FARP2: variants seen among roughly 807,000 people sequenced by gnomAD.
FARP2 encodes FERM, ARH/RhoGEF and pleckstrin domain protein 2.
FARP2 carries 111 observed loss-of-function variants against 130.5 expected under a neutral mutation model. The observed-to-expected ratio is 0.85, with a 90% CI of 0.73 to 1.00. The LOEUF is 1.00. FARP2 is among the 50% of genes least tolerant of loss of function. The pLI, the probability that FARP2 is intolerant of heterozygous loss-of-function variation, is 0.00. For missense variants in FARP2, 1,385 were observed against 1,346.3 expected, an observed-to-expected ratio of 1.03 and a Z score of -0.45; for synonymous variants, 504 against 516.9, an observed-to-expected ratio of 0.98 and a Z score of 0.34.
chr2:241,425,218 C>CA (rs898579937), intron 8 of FARP2, among the ~76,000 whole-genome samples: 29 of 151,210 alleles, frequency 1.9e-4, no homozygotes, highest in African/African-American at 5.6e-4. Context: ...AAAACAAAAA[C>CA]AAAAAAAACC....
At chr2:241,483,102 GT>G (rs1011702565) in intron 19 of FARP2, among the ~76,000 whole-genome samples, 3 of 152,080 alleles carry the variant, frequency 2.0e-5, no homozygotes, top group African/African-American at 7.2e-5. Flanking sequence ...CCTGTCCAAT[GT>G]TTTCAAAGCT....
rs939425972 is a variant in FARP2, at chr2:241,494,362, C to T, written c.*237C>T. The T allele has an allele frequency of 4.5e-5, 15 of 330,880 alleles. No individual in the cohort carries two copies. Among genetic ancestry groups the T allele is most frequent in the South Asian group, 2.8e-4 (2 of 7,178 alleles). 20.5% of individuals were successfully genotyped at this position (330,880 alleles called of 1,614,324 possible). On this transcript the variant is annotated 3_prime_UTR_variant, in exon 27 of 27. Coordinates refer to ENST00000264042, the MANE Select transcript of FARP2 (RefSeq NM_014808.4). The surrounding 1 kb of genome is among the most constrained non-coding windows in gnomAD (Gnocchi z 4.9). Reference sequence around the variant, plus strand: ...CTGGGAAAAATGTGCGAGTCTTGAGCGCGGAGCCGCTCAAGCCACAGCTCC... The same window carrying T: ...CTGGGAAAAATGTGCGAGTCTTGAGTGCGGAGCCGCTCAAGCCACAGCTCC...
intron 12 of FARP2, among the ~76,000 whole-genome samples, chr2:241,438,389 C>A (rs1375932521): frequency 1.3e-5 from 2 of 151,960 alleles, no homozygotes; most frequent in African/African-American, 4.8e-5. Context: ...ACCTATCTAT[C>A]TGAAGATTTT....
At chr2:241,455,417 G>A (rs2063803818) in intron 13 of FARP2, among the ~76,000 whole-genome samples, 1 of 152,186 alleles carries the variant, frequency 6.6e-6, no homozygotes, top group Non-Finnish European at 1.5e-5. Context: ...TCTCACTCTT[G>A]TTGCCCAGGC....
rs539369640 is a variant in FARP2, at chr2:241,476,659, A to G, written c.2262+672A>G. ...AACCAAGATCACGCCATTGCACTCT[A>G]GCCTGGGTAACATGAGCGAAACTCC... is the stretch of plus-strand genomic sequence containing the variant. On this transcript the variant is annotated intron_variant, in intron 19 of 26. Coordinates refer to ENST00000264042, the MANE Select transcript of FARP2 (RefSeq NM_014808.4). Among the ~76,000 whole-genome samples, 86 of 152,330 alleles carry G rather than the reference A, an allele frequency of 5.6e-4. 1 individual carries two copies. Among genetic ancestry groups the G allele is most frequent in the Middle Eastern group, 3.4e-3 (1 of 294 alleles).
intron 23 of FARP2, 142 bp downstream of exon 23, chr2:241,491,321 A>G: frequency 1.2e-6 from 1 of 856,488 alleles, no homozygotes; most frequent in South Asian, 1.6e-5. Flanking sequence ...GCTACGCCTC[A>G]TGCCTGGGCG....
At position 241,373,224 on chromosome 2, in the gene FARP2, G is replaced by A. The variant is rs781200124; in HGVS notation, c.117G>A (p.Met39Ile). The A allele has an allele frequency of 2.6e-6, 4 of 1,566,868 alleles. No individual in the cohort carries two copies. The highest frequency in any genetic ancestry group is 1.2e-5 in the South Asian group (1 of 85,950). ...CTGGGCAGACTCTCTTGCCCAGAAT[G>A]CAAGAGAAGCACCTGCACCTCAGAG... The part of the protein sequence containing the change: ...LEPGQTLLPR[M>I]QEKHLHLRVK... The change falls in exon 2 of 27, where the codon ATG (methionine) becomes ATA (isoleucine). Residue 39 changes from methionine (M) to isoleucine (I), a missense_variant. By Grantham distance (10) the Met-to-Ile change is conservative. Transcript: ENST00000264042.
rs79722332 is a variant in FARP2, at chr2:241,359,078, T to C, written c.-25+2690T>C. 4.6e-5 allele frequency among the ~76,000 whole-genome samples: 7 copies of C among 152,280 alleles called. No homozygotes were observed. In the East Asian group the frequency reaches 1.3e-3, roughly 29 times the overall value. On this transcript the variant is annotated intron_variant, in intron 1 of 26. Coordinates refer to ENST00000264042, the MANE Select transcript of FARP2 (RefSeq NM_014808.4). ...GGAAAATTTGAACCATTTTGATCCATGGAAATATGCTTTAAAATGTGACTT... is the reference window on the plus strand; with the variant it reads ...GGAAAATTTGAACCATTTTGATCCACGGAAATATGCTTTAAAATGTGACTT...
chr2:241,372,987 A>G, intron 1 of FARP2, 97 bp from the exon 2 acceptor site: 1 of 543,132 alleles, frequency 1.8e-6, no homozygotes, highest in Non-Finnish European at 2.9e-6. Flanking sequence ...AATAGTACAG[A>G]GGATTCCCGT....
chr2:241,474,683 T>A (rs1329351061), intron 18 of FARP2, among the ~76,000 whole-genome samples: 1 of 151,456 alleles, frequency 6.6e-6, no homozygotes, highest in Non-Finnish European at 1.5e-5. Flanking sequence ...TCCCCGCTAC[T>A]CGGGAGGCTG....
rs755950198 is a variant in FARP2, at chr2:241,426,377, A to G, written c.772-5302A>G. 3.9e-5 allele frequency among the ~76,000 whole-genome samples: 6 copies of G among 152,380 alleles called. No homozygotes were observed. The South Asian group carries it at 1.2e-3, about 32-fold the overall frequency. ...TATAAAAAAAGTAGTTAAATTCACT[A>G]TAGCTCAGCTTGTGAGCAATGCTTA... is the stretch of plus-strand genomic sequence containing the variant. On this transcript the variant is annotated intron_variant, in intron 8 of 26. Coordinates refer to ENST00000264042, the MANE Select transcript of FARP2 (RefSeq NM_014808.4).
intron 10 of FARP2, 87 bp downstream of exon 10, chr2:241,434,408 T>G: frequency 1.0e-6 from 1 of 1,004,936 alleles, no homozygotes; most frequent in Non-Finnish European, 1.4e-6. Context: ...AAAGAAGTGT[T>G]ATAAAATATT....
intron 1 of FARP2, among the ~76,000 whole-genome samples, chr2:241,366,124 T>TATATATATATATAC (rs1559702157): frequency 7.8e-5 from 4 of 51,522 alleles, no homozygotes; most frequent in East Asian, 1.4e-3. Flanking sequence ...TATATATACG[T>TATATATATATATAC]ATATATATAT....
chr2:241,462,427 G>T, intron 14 of FARP2, 96 bp from the exon 15 acceptor site: 1 of 790,162 alleles, frequency 1.3e-6, no homozygotes. Flanking sequence ...GTTACCTTGA[G>T]CAGAAGAAAG....
intron 2 of FARP2, among the ~76,000 whole-genome samples, chr2:241,402,500 T>G (rs1281968332): frequency 6.6e-6 from 1 of 152,122 alleles, no homozygotes; most frequent in Non-Finnish European, 1.5e-5. Flanking sequence ...TGTTCAGATG[T>G]TTTTCACTTT....
chr2:241,414,640 C>T (rs2062617292), intron 7 of FARP2, among the ~76,000 whole-genome samples: 1 of 152,136 alleles, frequency 6.6e-6, no homozygotes, highest in Non-Finnish European at 1.5e-5. Flanking sequence ...CACCTCACCA[C>T]TCCCAGTGTG....
At chr2:241,384,847 G>C (rs2061747096) in intron 2 of FARP2, among the ~76,000 whole-genome samples, 1 of 152,172 alleles carries the variant, frequency 6.6e-6, no homozygotes, top group Admixed American at 6.5e-5. Flanking sequence ...AAAATACACA[G>C]TGAGCTCTTT....
At chr2:241,414,724 C>T (rs182875512) in intron 7 of FARP2, among the ~76,000 whole-genome samples, 2 of 152,308 alleles carry the variant, frequency 1.3e-5, no homozygotes, top group South Asian at 2.1e-4. Context: ...TATACAGATG[C>T]GTTTCTACAG....
At chr2:241,378,816 G>A (rs1161416126) in intron 2 of FARP2, among the ~76,000 whole-genome samples, 1 of 152,130 alleles carries the variant, frequency 6.6e-6, no homozygotes, top group Non-Finnish European at 1.5e-5. Context: ...TTTATTTTAA[G>A]CCACTTTTGG....
Sources: gnomAD v4.1 joint callset for allele counts (sites outside exome capture counted in the v4.1 genomes callset) on GRCh38, gnomAD v4.1.1 for gene constraint, Gnocchi (gnomAD v3.1) non-coding constraint, MANE v1.5 for transcripts, NCBI Gene and HGNC (gene_info 2026-07-23, HGNC 2026-07-21) for gene names.